The following SPTBN2 variants were observed in gnomAD, a reference collection of about 807,000 sequenced individuals.
SPTBN2 encodes the protein spectrin beta, non-erythrocytic 2.
A neutral mutation model predicts 284.2 loss-of-function variants in SPTBN2; 107 were observed. That is an observed-to-expected ratio of 0.38 (90% CI 0.32 to 0.44). The LOEUF is 0.44. Among genes scored for constraint, SPTBN2 ranks in the 20% least tolerant of loss-of-function variants. The probability of loss-of-function intolerance (pLI) is 1.00; values close to 1 mark genes in which losing one functional copy is unlikely to be tolerated. For missense variants in SPTBN2, 2,569 were observed against 3,287.1 expected (o/e 0.78, Z 5.34); for synonymous variants, 1,289 against 1,354.8 (o/e 0.95, Z 1.07).
rs1940147608 is a variant in SPTBN2 at position 66,686,823 on chromosome 11, G to GAGAC, written c.6896+167_6896+170dup. The stretch of plus-strand genomic sequence containing the variant: ...TGGTTCTCCTGCTCCCCTTGGTGTG[G>GAGAC]AGACAACCAGAATCTCCGCCTCCCT... On this transcript the variant is annotated intron_variant, in intron 36 of 37. Coordinates refer to ENST00000533211, the MANE Select transcript of SPTBN2 (RefSeq NM_006946.4). 37 of 850,804 alleles carry GAGAC rather than the reference G, an allele frequency of 4.3e-5. No homozygotes were observed. The South Asian group carries it at 5.4e-4, about 12-fold the overall frequency. 52.7% of individuals were successfully genotyped at this position (850,804 alleles called of 1,614,324 possible).
At chr11:66,704,543 G>GCCCCCCCC in intron 15 of SPTBN2, 55 bp downstream of exon 15, 24 of 1,550,448 alleles carry the variant, frequency 1.5e-5, no homozygotes, top group African/African-American at 2.7e-5. Flanking sequence ...CCACATCCTG[G>GCCCCCCCC]CCCCCCCACC....
At chr11:66,692,107 G>A (rs1165681446) in intron 26 of SPTBN2, among the ~76,000 whole-genome samples, 1 of 152,166 alleles carries the variant, frequency 6.6e-6, no homozygotes, top group African/African-American at 2.4e-5. Flanking sequence ...TGTATTTAGA[G>A]ATGATAGGGT....
chr11:66,735,523 A>G (rs571521186), intron 1 of SPTBN2, among the ~76,000 whole-genome samples: 2 of 152,174 alleles, frequency 1.3e-5, no homozygotes, highest in East Asian at 1.9e-4. Context: ...CAGCTTGTGC[A>G]ATAATAGTGA....
intron 15 of SPTBN2, among the ~76,000 whole-genome samples, chr11:66,702,488 A>G (rs1364880865): frequency 6.6e-6 from 1 of 152,038 alleles, no homozygotes; most frequent in Non-Finnish European, 1.5e-5. Context: ...CTAATAGGGC[A>G]GGGTCTGCAA....
At chr11:66,698,899 TCA>T (rs1941087437) in intron 19 of SPTBN2, 91 bp downstream of exon 19, 1 of 1,599,226 alleles carries the variant, frequency 6.3e-7, no homozygotes, top group Non-Finnish European at 8.6e-7. Flanking sequence ...ATGAAGGGGC[TCA>T]CAGTCTCCGG....
rs1038543871 is a variant in SPTBN2 at position 66,683,568 on chromosome 11, C to T, written c.*2303G>A. Among the ~76,000 whole-genome samples the T allele has an allele frequency of 2.2e-4, 34 of 152,312 alleles. No individual in the cohort carries two copies. Among genetic ancestry groups the T allele is most frequent in the African/African-American group, 6.5e-4 (27 of 41,564 alleles). ...ACACTATGCTTCCCCTCTTCTATGT[C>T]CTGTTCTTAAGGAATCATGCCCTGA... is the stretch of plus-strand genomic sequence containing the variant. On this transcript the variant is annotated 3_prime_UTR_variant, in exon 38 of 38. Coordinates refer to ENST00000533211, the MANE Select transcript of SPTBN2 (RefSeq NM_006946.4).
intron 1 of SPTBN2, among the ~76,000 whole-genome samples, chr11:66,723,293 A>G (rs996728452): frequency 6.6e-6 from 1 of 152,050 alleles, no homozygotes; most frequent in African/African-American, 2.4e-5. Context: ...TGGGTCTGTA[A>G]CTTTAACAAA....
Position 66,700,550 on chromosome 11 carries a change from C to A in SPTBN2, c.3549G>T (p.Gln1183His). 1.2e-6 allele frequency: 2 copies of A among 1,605,856 alleles called. No individual in the cohort carries two copies. The highest frequency in any genetic ancestry group is 2.2e-5 in the South Asian group (2 of 91,078). ...CCTGGCTGCTGAGCACGCCCTCAGC[C>A]TGACGAGCATCCCGCAGGAATCCCT... ...GFQGFLRDAR[Q>H]AEGVLSSQEY... Residue 1183 changes from glutamine to histidine, a missense_variant, in exon 17 of 38, where the codon CAG becomes CAT. By Grantham distance (24) the Gln-to-His change is conservative. Transcript: ENST00000533211. This position sits in a 1 kb window ranked among gnomAD's most constrained non-coding sequence, Gnocchi z 6.6.
At chr11:66,714,517 T>C in intron 5 of SPTBN2, 110 bp from the exon 6 acceptor site, 1 of 958,936 alleles carries the variant, frequency 1.0e-6, no homozygotes, top group Admixed American at 1.9e-5. Flanking sequence ...GGTAATGGGG[T>C]GGACAGGCAT....
chr11:66,721,288 G>C (rs750503127), intron 2 of SPTBN2, 26 bp from the exon 3 acceptor site: 1 of 1,612,488 alleles, frequency 6.2e-7, no homozygotes, highest in African/African-American at 1.3e-5. Context: ...GGCCAGTGAG[G>C]GGTGTCCAGG....
At chr11:66,725,550 A>T (rs535592506) in intron 1 of SPTBN2, among the ~76,000 whole-genome samples, 1,647 of 152,298 alleles carry the variant, frequency 0.011, 36 homozygotes, top group African/African-American at 0.037. Flanking sequence ...ACCCCCTGTC[A>T]TGAGGAAGCT....
chr11:66,687,985 A>G lies in SPTBN2; in HGVS notation c.6450+19T>C. On this transcript the variant is annotated intron_variant, in intron 33 of 37. Transcript: ENST00000533211. The surrounding 1 kb of genome is among the most constrained non-coding windows in gnomAD (Gnocchi z 5.2). ...GGGGCTACGACTCCGATGGGGGCAC[A>G]GAGGGACAGTGGGGTCACCTGTGAG... is the stretch of plus-strand genomic sequence containing the variant. 2 of 1,614,206 alleles carry G rather than the reference A, an allele frequency of 1.2e-6. No individual in the cohort carries two copies. Among genetic ancestry groups the G allele is most frequent in the Non-Finnish European group, 1.7e-6 (2 of 1,180,010 alleles).
chr11:66,687,745 C>G lies in SPTBN2; in HGVS notation c.6502-98G>C. The G allele has an allele frequency of 6.3e-7, 1 of 1,584,982 alleles. No homozygotes were observed. On this transcript the variant is annotated intron_variant, in intron 34 of 37. Transcript: ENST00000533211. The surrounding 1 kb of genome is among the most constrained non-coding windows in gnomAD (Gnocchi z 5.2). Reference sequence around the variant, plus strand: ...GTCCAGGAGTTGGTCTTCCTGCCCCCAAGCTGCCTGTGAGCCTCTGCCCTC... The same window carrying G: ...GTCCAGGAGTTGGTCTTCCTGCCCCGAAGCTGCCTGTGAGCCTCTGCCCTC...
chr11:66,689,952 A>T lies in SPTBN2; in HGVS notation c.5811-9T>A. Reference sequence around the variant, plus strand: ...CCGCGGAGGACACATCCCTGGGGGGAGGCAGAAACAGCATCACCTGCTGCC... The same window carrying T: ...CCGCGGAGGACACATCCCTGGGGGGTGGCAGAAACAGCATCACCTGCTGCC... On this transcript the variant is annotated splice_polypyrimidine_tract_variant and intron_variant, in intron 28 of 37. Coordinates refer to ENST00000533211, the MANE Select transcript of SPTBN2 (RefSeq NM_006946.4). 6.2e-7 allele frequency: 1 copy of T among 1,612,864 alleles called. No homozygotes were observed. Among genetic ancestry groups the T allele is most frequent in the Non-Finnish European group, 8.5e-7 (1 of 1,179,662 alleles).
chr11:66,708,166 C>T lies in SPTBN2; in HGVS notation c.1325G>A (p.Ser442Asn). ...RKAAMRETWLSENQRLVSQDN... is the reference protein window; with the variant it reads ...RKAAMRETWLNENQRLVSQDN... The stretch of plus-strand genomic sequence containing the variant: ...CTGGGACACGAGGCGCTGGTTCTCG[C>T]TGAGCCAGGTCTCCCGCATGGCAGC... Residue 442 changes from serine to asparagine, a missense_variant, in exon 12 of 38, where the codon AGC becomes AAC. This residue lies in a region of SPTBN2 where 1,012 missense variants were observed against 1,248.9 expected (regional missense o/e 0.81). Coordinates refer to ENST00000533211, the MANE Select transcript of SPTBN2 (RefSeq NM_006946.4). The surrounding 1 kb of genome is among the most constrained non-coding windows in gnomAD (Gnocchi z 4.4). The T allele has an allele frequency of 6.2e-7, 1 of 1,613,106 alleles. No homozygotes were observed. Among genetic ancestry groups the T allele is most frequent in the Non-Finnish European group, 8.5e-7 (1 of 1,179,884 alleles).
chr11:66,699,625 A>C lies in SPTBN2; in HGVS notation c.3574-17T>G. 1 of 1,613,396 alleles carries C rather than the reference A, an allele frequency of 6.2e-7. No homozygotes were observed. Among genetic ancestry groups the C allele is most frequent in the South Asian group, 1.1e-5 (1 of 91,058 alleles). On this transcript the variant is annotated splice_polypyrimidine_tract_variant and intron_variant, in intron 17 of 37. Coordinates refer to ENST00000533211, the MANE Select transcript of SPTBN2 (RefSeq NM_006946.4). ...AACATATTCCTGTGTGGGAGGGATG[A>C]CATTCAGCTCATTTTCCCCAGCACA...
rs1432292831 is a variant in SPTBN2 at position 66,707,829 on chromosome 11, G to A, written c.1351-11C>T. ...CAGCCCAAAGTTGTCCTGTGTCGGGGGCAGGGAGAGGAGGTGTGGGGACCA... is the reference window on the plus strand; with the variant it reads ...CAGCCCAAAGTTGTCCTGTGTCGGGAGCAGGGAGAGGAGGTGTGGGGACCA... On this transcript the variant is annotated splice_polypyrimidine_tract_variant and intron_variant, in intron 12 of 37. Coordinates refer to ENST00000533211, the MANE Select transcript of SPTBN2 (RefSeq NM_006946.4). This position sits in a 1 kb window ranked among gnomAD's most constrained non-coding sequence, Gnocchi z 4.9. 1.9e-5 allele frequency: 30 copies of A among 1,606,802 alleles called. No individual in the cohort carries two copies. The highest frequency in any genetic ancestry group is 2.3e-5 in the Non-Finnish European group (27 of 1,179,826).
intron 1 of SPTBN2, among the ~76,000 whole-genome samples, chr11:66,738,982 A>G (rs1942876298): frequency 6.7e-6 from 1 of 149,540 alleles, no homozygotes. Context: ...TGCCTAATTT[A>G]TTTTTTGTAA....
chr11:66,740,280 C>T (rs76064092), intron 1 of SPTBN2, among the ~76,000 whole-genome samples: 3 of 152,134 alleles, frequency 2.0e-5, no homozygotes, highest in Middle Eastern at 3.4e-3. Flanking sequence ...GGGTGAAGAA[C>T]GAAATACTCG....
Sources: gnomAD v4.1 joint callset for allele counts (sites outside exome capture counted in the v4.1 genomes callset) on GRCh38, gnomAD v4.1.1 for gene constraint, gnomAD v4.1.1 regional missense constraint, Gnocchi (gnomAD v3.1) non-coding constraint, MANE v1.5 for transcripts, NCBI Gene and HGNC (gene_info 2026-07-23, HGNC 2026-07-21) for gene names.